Variants in EXTL1 observed in about 807,000 individuals in gnomAD.
The protein encoded by EXTL1 is exostosin like glycosyltransferase 1.
Under a neutral mutation model 64.6 loss-of-function variants are expected in EXTL1, and 43 were observed. The ratio of observed to expected loss-of-function variants is 0.67; its 90% confidence interval spans 0.52 to 0.86. The LOEUF (loss-of-function observed/expected upper bound fraction) is 0.86. Ranked by LOEUF, EXTL1 falls within the 40% of genes least tolerant of loss-of-function variation. The pLI is 0.00. For synonymous variants in EXTL1, 352 were observed against 360.5 expected, an observed-to-expected ratio of 0.98 and a Z score of 0.27; for missense variants, 766 against 879.0, an observed-to-expected ratio of 0.87 and a Z score of 1.62.
intron 1 of EXTL1, among the ~76,000 whole-genome samples, chr1:26,028,813 C>T (rs893159273): frequency 2.0e-5 from 3 of 152,156 alleles, no homozygotes; most frequent in African/African-American, 4.8e-5. Context: ...TGCCTGTGGC[C>T]GAGTGGGGGA....
intron 3 of EXTL1, among the ~76,000 whole-genome samples, chr1:26,030,041 A>C (rs969976884): frequency 1.3e-5 from 2 of 152,202 alleles, no homozygotes; most frequent in African/African-American, 4.8e-5. Flanking sequence ...CTACAAAAAA[A>C]TTCAAACTCA....
rs1287375216 is a variant in EXTL1 at position 26,022,662 on chromosome 1, A to G, written c.16A>G (p.Arg6Gly). The change falls in exon 1 of 11, where the codon AGA becomes GGA. Residue 6 changes from arginine (R) to glycine (G), a missense_variant. Physicochemically the swap from Arg to Gly is moderately radical, Grantham distance 125. Coordinates refer to ENST00000374280, the MANE Select transcript of EXTL1 (RefSeq NM_004455.3). Reference sequence around the variant, plus strand: ...GGGTGGCCACATGCAGTCGTGGAGGAGAAGAAAGTCCCTGTGGCTGGCACT... The same window carrying G: ...GGGTGGCCACATGCAGTCGTGGAGGGGAAGAAAGTCCCTGTGGCTGGCACT... MQSWR[R>G]RKSLWLALSA... The G allele has an allele frequency of 1.2e-6, 2 of 1,600,544 alleles. No homozygotes were observed. Among genetic ancestry groups the G allele is most frequent in the African/African-American group, 2.7e-5 (2 of 74,528 alleles).
In EXTL1 at chr1:26,035,207, GCC is replaced by G. The variant is rs754140807; in HGVS notation, c.1895_1896del (p.Pro632ArgfsTer28). 1 of 1,612,734 alleles carries G rather than the reference GCC, an allele frequency of 6.2e-7. No homozygotes were observed. Among genetic ancestry groups the G allele is most frequent in the Non-Finnish European group, 8.5e-7 (1 of 1,179,364 alleles). ...PGPRPKPPAPAPDCINQIAAA... is the reference protein window; with the variant it reads ...PGPRPKPPAPXPDCINQIAAA... Reference sequence around the variant, plus strand: ...GCCCAGGCCAAAGCCGCCTGCCCCAGCCCCCGACTGCATCAACCAGATAGCGG... The same window carrying G: ...GCCCAGGCCAAAGCCGCCTGCCCCAGCCCGACTGCATCAACCAGATAGCGG... On this transcript the variant is annotated frameshift_variant, in exon 11 of 11. Transcript: ENST00000374280. LOFTEE classifies it low-confidence loss of function (END_TRUNC). This position sits in a 1 kb window ranked among gnomAD's most constrained non-coding sequence, Gnocchi z 5.3.
chr1:26,030,095 C>T (rs544713328), intron 3 of EXTL1, among the ~76,000 whole-genome samples: 17 of 152,228 alleles, frequency 1.1e-4, no homozygotes, highest in Admixed American at 3.3e-4. Flanking sequence ...AAACGCATGG[C>T]GACTTTTCCA....
At chr1:26,032,511 G>A in intron 7 of EXTL1, 26 bp downstream of exon 7, 5 of 1,530,242 alleles carry the variant, frequency 3.3e-6, no homozygotes, top group East Asian at 4.9e-5. Flanking sequence ...AGCCATGAAA[G>A]GGGTGGGCCC....
chr1:26,029,420 G>C (rs1182980166), intron 2 of EXTL1, 134 bp downstream of exon 2: 2 of 781,602 alleles, frequency 2.6e-6, no homozygotes, highest in Non-Finnish European at 4.4e-6. Context: ...AGGCATGCCT[G>C]TGTCCCCATT....
chr1:26,022,549 A>G lies in EXTL1; in HGVS notation c.-98A>G. On this transcript the variant is annotated 5_prime_UTR_variant, in exon 1 of 11. Transcript: ENST00000374280. ...TGTACAATGACAGCACAGGACTAGC[A>G]GGTCGGTCCCAGCTCTGGTCTCCCG... 1 of 932,740 alleles carries G rather than the reference A, an allele frequency of 1.1e-6. No individual in the cohort carries two copies. Among genetic ancestry groups the G allele is most frequent in the Non-Finnish European group, 1.7e-6 (1 of 603,634 alleles). The allele number at this position is 932,740 out of a possible 1,614,324, so 57.8% of individuals were successfully genotyped here. A position where few individuals can be genotyped will look rare whatever the true frequency, so the allele number is the denominator to read the frequency against.
Position 26,023,242 on chromosome 1 carries a change from CT to C in EXTL1, c.600del (p.Leu201SerfsTer24). ...SFRPGFDVAL[P>X]FLPEAHPLRG... is the part of the protein sequence containing the mutation. ...CGGCCCGGCTTTGATGTGGCCCTCC[CT>C]TTTCTCCCTGAAGCCCACCCGTTGC... On this transcript the variant is annotated frameshift_variant, in exon 1 of 11. Transcript: ENST00000374280. LOFTEE classifies it high-confidence loss of function. The C allele has an allele frequency of 6.2e-7, 1 of 1,602,888 alleles. No individual in the cohort carries two copies. Among genetic ancestry groups the C allele is most frequent in the Admixed American group, 1.7e-5 (1 of 59,220 alleles).
At position 26,030,603 on chromosome 1, in the gene EXTL1, G is replaced by T. The variant is rs768358610; in HGVS notation, c.1101+8G>T. ...ATCCATACCACTCTGGAGGTGAGGG[G>T]TCTCACCTGATGGGGGTCCTGGCTC... On this transcript the variant is annotated splice_region_variant and intron_variant, in intron 4 of 10. Transcript: ENST00000374280. The T allele has an allele frequency of 8.1e-6, 13 of 1,602,682 alleles. No individual in the cohort carries two copies. Among genetic ancestry groups the T allele is most frequent in the South Asian group, 1.1e-5 (1 of 90,638 alleles).
Position 26,033,224 on chromosome 1 carries a change from T to G in EXTL1, c.1432-5T>G. On this transcript the variant is annotated splice_region_variant and splice_polypyrimidine_tract_variant and intron_variant, in intron 7 of 10. Coordinates refer to ENST00000374280, the MANE Select transcript of EXTL1 (RefSeq NM_004455.3). The surrounding 1 kb of genome is among the most constrained non-coding windows in gnomAD (Gnocchi z 5.1). ...GGCTGAGTTCCCCTCCCCCACTCCCTGCAGGTTAGTGATCGCTTCTACCCA... is the reference window on the plus strand; with the variant it reads ...GGCTGAGTTCCCCTCCCCCACTCCCGGCAGGTTAGTGATCGCTTCTACCCA... 1 of 1,608,552 alleles carries G rather than the reference T, an allele frequency of 6.2e-7. No homozygotes were observed. The highest frequency in any genetic ancestry group is 1.3e-5 in the African/African-American group (1 of 74,926).
In EXTL1 at chr1:26,035,302, G is replaced by GGTGTCC. The variant is rs762166522; in HGVS notation, c.1990_1995dup (p.Ser664_Val665dup). The GGTGTCC allele has an allele frequency of 6.2e-7, 1 of 1,613,212 alleles. No individual in the cohort carries two copies. The highest frequency in any genetic ancestry group is 8.5e-7 in the Non-Finnish European group (1 of 1,179,736). ...TGGACCCGGTGCTGTTTAAGGACCC[G>GGTGTCC]GTGTCCGTGCAGCGCAAGAAGTACC... On this transcript the variant is annotated inframe_insertion, in exon 11 of 11. Transcript: ENST00000374280. This position sits in a 1 kb window ranked among gnomAD's most constrained non-coding sequence, Gnocchi z 5.3.
rs2050158959 is a variant in EXTL1, at chr1:26,022,338, G to T, written c.-309G>T. The T allele has an allele frequency of 2.3e-5, 8 of 341,580 alleles. No homozygotes were observed. In the South Asian group the frequency reaches 2.4e-4, roughly 10 times the overall value. 21.2% of individuals were successfully genotyped at this position (341,580 alleles called of 1,614,324 possible). Reference sequence around the variant, plus strand: ...GCGTCAGCCAGAGCAGTGCCCAGGGGCAGGGGTCCCTGCTGGGAGGGAAAA... The same window carrying T: ...GCGTCAGCCAGAGCAGTGCCCAGGGTCAGGGGTCCCTGCTGGGAGGGAAAA... On this transcript the variant is annotated 5_prime_UTR_variant, in exon 1 of 11. Coordinates refer to ENST00000374280, the MANE Select transcript of EXTL1 (RefSeq NM_004455.3).
At chr1:26,029,354 G>A (rs2050255516) in intron 2 of EXTL1, 68 bp downstream of exon 2, 1 of 1,313,884 alleles carries the variant, frequency 7.6e-7, no homozygotes, top group Non-Finnish European at 1.1e-6. Context: ...AGGGTACTCT[G>A]GGTCCAGGCC....
intron 1 of EXTL1, among the ~76,000 whole-genome samples, chr1:26,024,620 C>A (rs1433101176): frequency 6.6e-6 from 1 of 152,084 alleles, no homozygotes; most frequent in African/African-American, 2.4e-5. Flanking sequence ...CCGGTCAGCC[C>A]CAGGGTCCTT....
chr1:26,034,789 G>A lies in EXTL1; in HGVS notation c.1680-47G>A, dbSNP rs777489204. On this transcript the variant is annotated intron_variant, in intron 9 of 10. Coordinates refer to ENST00000374280, the MANE Select transcript of EXTL1 (RefSeq NM_004455.3). This position sits in a 1 kb window ranked among gnomAD's most constrained non-coding sequence, Gnocchi z 4.6. Reference sequence around the variant, plus strand: ...TCAGGAGGGAGGAGAATGGGGCCTGGGGATGGATTTGGCTGCAGCCTCTCC... The same window carrying A: ...TCAGGAGGGAGGAGAATGGGGCCTGAGGATGGATTTGGCTGCAGCCTCTCC... 1.9e-6 allele frequency: 3 copies of A among 1,584,112 alleles called. No homozygotes were observed. The highest frequency in any genetic ancestry group is 1.7e-6 in the Non-Finnish European group (2 of 1,158,220).
chr1:26,028,736 G>A (rs986425292), intron 1 of EXTL1, among the ~76,000 whole-genome samples: 4 of 152,226 alleles, frequency 2.6e-5, no homozygotes, highest in Non-Finnish European at 5.9e-5. Context: ...AGCCTTTCAC[G>A]GGCCTGGCTT....
Position 26,030,330 on chromosome 1 carries a change from C to CTT in EXTL1, c.982-127_982-126dup, listed in dbSNP as rs1213800896. On this transcript the variant is annotated intron_variant, in intron 3 of 10. Coordinates refer to ENST00000374280, the MANE Select transcript of EXTL1 (RefSeq NM_004455.3). The stretch of plus-strand genomic sequence containing the variant: ...AACTCTGTGTGACCCCTGAATGCTT[C>CTT]TTTTTTTTTTTTTTTTTTTTGAGAT... 4.2e-3 allele frequency: 1,620 copies of CTT among 381,358 alleles called. 15 individuals are homozygous for CTT. Among genetic ancestry groups the CTT allele is most frequent in the African/African-American group, 0.017 (666 of 39,162 alleles). The allele number at this position is 381,358 out of a possible 1,614,324, so 23.6% of individuals were successfully genotyped here.
intron 1 of EXTL1, 79 bp from the exon 2 acceptor site, chr1:26,029,114 C>G: frequency 9.8e-7 from 1 of 1,018,438 alleles, no homozygotes; most frequent in Non-Finnish European, 1.5e-6. Flanking sequence ...GTGTGGGGTT[C>G]TCCCATTGAG....
In EXTL1 at chr1:26,030,472, C is replaced by G; in HGVS notation, c.982-4C>G. On this transcript the variant is annotated splice_region_variant and splice_polypyrimidine_tract_variant and intron_variant, in intron 3 of 10. Coordinates refer to ENST00000374280, the MANE Select transcript of EXTL1 (RefSeq NM_004455.3). ...CCTGGCACTTTTCTCCCTCTCTGCT[C>G]CAGGTCCTGGCTGCCCTCCAGGAGA... 1 of 1,608,978 alleles carries G rather than the reference C, an allele frequency of 6.2e-7. No individual in the cohort carries two copies. The highest frequency in any genetic ancestry group is 1.3e-5 in the African/African-American group (1 of 74,870).
Sources: gnomAD v4.1 joint callset for allele counts (sites outside exome capture counted in the v4.1 genomes callset) on GRCh38, gnomAD v4.1.1 for gene constraint, Gnocchi (gnomAD v3.1) non-coding constraint, MANE v1.5 for transcripts, NCBI Gene and HGNC (gene_info 2026-07-23, HGNC 2026-07-21) for gene names.